CCDC68: variants seen among roughly 807,000 people sequenced by gnomAD.
CCDC68 encodes the protein coiled-coil domain containing 68, also known as coiled-coil domain-containing protein 68.
Under a neutral mutation model 47.1 loss-of-function variants are expected in CCDC68, and 45 were observed. That is an observed-to-expected ratio of 0.96 (90% CI 0.75 to 1.23). The LOEUF is 1.23. Ranked by LOEUF, CCDC68 falls within the 50% of genes most tolerant of loss-of-function variation. The probability of loss-of-function intolerance (pLI) is 0.00; values close to 1 mark genes in which losing one functional copy is unlikely to be tolerated. For missense variants in CCDC68, 353 were observed against 373.6 expected, an observed-to-expected ratio of 0.94 and a Z score of 0.45; for synonymous variants, 131 against 129.5, an observed-to-expected ratio of 1.01 and a Z score of -0.08.
At chr18:54,938,183 A>G (rs2044381418) in intron 4 of CCDC68, 86 bp from the exon 5 acceptor site, 3 of 1,267,988 alleles carry the variant, frequency 2.4e-6, no homozygotes, top group Non-Finnish European at 3.2e-6. Flanking sequence ...AGTATTACAT[A>G]TATCAAAGAA....
intron 1 of CCDC68, among the ~76,000 whole-genome samples, chr18:54,953,567 C>G (rs1055837947): frequency 7.2e-5 from 10 of 138,864 alleles, no homozygotes; most frequent in Admixed American, 2.2e-4. Context: ...GAGAGAGATA[C>G]ATAGATAGAG....
chr18:54,935,749 G>C (rs1223817124), intron 6 of CCDC68, among the ~76,000 whole-genome samples: 2 of 152,152 alleles, frequency 1.3e-5, no homozygotes, highest in Admixed American at 1.3e-4. Flanking sequence ...GTGTCACCTA[G>C]GCAGTGAATT....
At chr18:54,925,787 C>T (rs190715182) in intron 8 of CCDC68, among the ~76,000 whole-genome samples, 1 of 152,198 alleles carries the variant, frequency 6.6e-6, no homozygotes, top group Non-Finnish European at 1.5e-5. Flanking sequence ...TGACTATGGG[C>T]CCCCAGTGGA....
intron 7 of CCDC68, among the ~76,000 whole-genome samples, chr18:54,933,249 T>G (rs1332344680): frequency 6.6e-6 from 1 of 152,102 alleles, no homozygotes; most frequent in Non-Finnish European, 1.5e-5. Context: ...GCCCAGCTAA[T>G]TTTTGTATTT....
chr18:54,912,436 A>AC (rs1038774946), intron 10 of CCDC68, among the ~76,000 whole-genome samples: 3 of 151,458 alleles, frequency 2.0e-5, no homozygotes, highest in Non-Finnish European at 2.9e-5. Context: ...AGAGGAAAAA[A>AC]ACTGCTAGGA....
intron 8 of CCDC68, among the ~76,000 whole-genome samples, chr18:54,926,536 T>G (rs562851070): frequency 6.6e-6 from 1 of 152,196 alleles, no homozygotes; most frequent in South Asian, 2.1e-4. Flanking sequence ...TCTTTTCGGG[T>G]GGGGACACAG....
Position 54,942,592 on chromosome 18 carries a change from G to A in CCDC68, c.117+83C>T. ...TGTTCCTTTACATATGTTCTATGGA[G>A]AGGGAAACAAAATCCTCCAGCCCAT... On this transcript the variant is annotated intron_variant, in intron 3 of 11. Coordinates refer to ENST00000591504, the MANE Select transcript of CCDC68 (RefSeq NM_025214.3). 4 of 823,242 alleles carry A rather than the reference G, an allele frequency of 4.9e-6. No individual in the cohort carries two copies. In the South Asian group the frequency reaches 6.5e-5, roughly 13 times the overall value. 51.0% of individuals were successfully genotyped at this position (823,242 alleles called of 1,614,324 possible).
intron 10 of CCDC68, among the ~76,000 whole-genome samples, chr18:54,908,259 A>G (rs1226800752): frequency 6.6e-6 from 1 of 152,222 alleles, no homozygotes; most frequent in Non-Finnish European, 1.5e-5. Context: ...TATAAACCCC[A>G]TGAAAATAGG....
In CCDC68 at chr18:54,903,655, C is replaced by G. The variant is rs1293397781; in HGVS notation, c.*703G>C. On this transcript the variant is annotated 3_prime_UTR_variant, in exon 12 of 12. Transcript: ENST00000591504. ...GTGCATCCCTGTGCGTTTGTGTGTA[C>G]AGGTTACCTCTAGAAACCAATTTTT... The G allele has an allele frequency of 6.6e-6, 1 of 152,202 alleles. No individual in the cohort carries two copies. Among genetic ancestry groups the G allele is most frequent in the African/African-American group, 2.4e-5 (1 of 41,452 alleles). The allele number at this position is 152,202 out of a possible 1,614,324, so 9.4% of individuals were successfully genotyped here. A position where few individuals can be genotyped will look rare whatever the true frequency, so the allele number is the denominator to read the frequency against.
chr18:54,936,793 G>C, intron 6 of CCDC68, 40 bp downstream of exon 6: 1 of 1,612,098 alleles, frequency 6.2e-7, no homozygotes, highest in Non-Finnish European at 8.5e-7. Context: ...AGCTCAGGGT[G>C]GGGGCTAGTT....
intron 1 of CCDC68, among the ~76,000 whole-genome samples, chr18:54,953,472 C>T (rs989947172): frequency 2.0e-5 from 3 of 151,748 alleles, no homozygotes; most frequent in African/African-American, 7.3e-5. Context: ...CATTCAAATT[C>T]TTGACCCCCA....
intron 8 of CCDC68, among the ~76,000 whole-genome samples, chr18:54,921,764 C>G (rs1250666325): frequency 1.3e-5 from 2 of 152,240 alleles, no homozygotes; most frequent in African/African-American, 4.8e-5. Context: ...CTACAAGCAA[C>G]TATGAAACTA....
intron 10 of CCDC68, among the ~76,000 whole-genome samples, chr18:54,910,201 G>A (rs1325611142): frequency 1.3e-5 from 2 of 152,160 alleles, no homozygotes; most frequent in Non-Finnish European, 2.9e-5. Flanking sequence ...ATCCCAACAA[G>A]TGTTCAGCTA....
chr18:54,914,791 C>T (rs1747422315), intron 10 of CCDC68, among the ~76,000 whole-genome samples: 1 of 152,104 alleles, frequency 6.6e-6, no homozygotes, highest in Non-Finnish European at 1.5e-5. Flanking sequence ...GGCATAATTG[C>T]TGAATAGTCG....
At chr18:54,955,533 T>TTAA in intron 1 of CCDC68, among the ~76,000 whole-genome samples, 1 of 152,158 alleles carries the variant, frequency 6.6e-6, no homozygotes, top group Non-Finnish European at 1.5e-5. Context: ...GCATAAGTTG[T>TTAA]GAAGCATGAC....
intron 3 of CCDC68, among the ~76,000 whole-genome samples, chr18:54,941,588 A>G (rs894524098): frequency 6.6e-6 from 1 of 152,148 alleles, no homozygotes; most frequent in African/African-American, 2.4e-5. Context: ...TTGATGACCT[A>G]TGGAGTTGCA....
At chr18:54,927,837 C>A (rs927290537) in intron 8 of CCDC68, among the ~76,000 whole-genome samples, 1 of 152,030 alleles carries the variant, frequency 6.6e-6, no homozygotes, top group African/African-American at 2.4e-5. Flanking sequence ...GTCCAAAATG[C>A]AGGATTACAA....
intron 7 of CCDC68, among the ~76,000 whole-genome samples, chr18:54,931,141 C>G (rs1354595994): frequency 6.6e-6 from 1 of 152,136 alleles, no homozygotes; most frequent in Non-Finnish European, 1.5e-5. Context: ...AATAGACTTA[C>G]TCTTGGTTAA....
chr18:54,945,879 G>C (rs1449995272), intron 1 of CCDC68, among the ~76,000 whole-genome samples: 1 of 152,146 alleles, frequency 6.6e-6, no homozygotes, highest in African/African-American at 2.4e-5. Flanking sequence ...AACACCCATA[G>C]AGTCAATATG....
Sources: gnomAD v4.1 joint callset for allele counts (sites outside exome capture counted in the v4.1 genomes callset) on GRCh38, gnomAD v4.1.1 for gene constraint, MANE v1.5 for transcripts, NCBI Gene and HGNC (gene_info 2026-07-23, HGNC 2026-07-21) for gene names.